ATP1A4: variants seen among roughly 807,000 people sequenced by gnomAD.
ATP1A4 encodes the protein ATPase Na+/K+ transporting subunit alpha 4.
ATP1A4 carries 90 observed loss-of-function variants against 114.3 expected under a neutral mutation model. That is an observed-to-expected ratio of 0.79 (90% CI 0.66 to 0.94). ATP1A4 has a LOEUF of 0.94. Among genes scored for constraint, ATP1A4 ranks in the 40% least tolerant of loss-of-function variants. ATP1A4 has a pLI of 0.00. For missense variants in ATP1A4, 1,222 were observed against 1,313.6 expected (o/e 0.93, Z 1.08); for synonymous variants, 511 against 494.1 (o/e 1.03, Z -0.45).
intron 13 of ATP1A4, 53 bp downstream of exon 13, chr1:160,173,770 G>A: frequency 6.3e-7 from 1 of 1,581,248 alleles, no homozygotes; most frequent in African/African-American, 1.3e-5. Flanking sequence ...TCCCCAGCCT[G>A]CCCCACCCAG....
Position 160,177,554 on chromosome 1 carries a change from T to A in ATP1A4, c.2626T>A (p.Phe876Ile). 1.2e-6 allele frequency: 2 copies of A among 1,614,166 alleles called. No homozygotes were observed. Among genetic ancestry groups the A allele is most frequent in the Non-Finnish European group, 1.7e-6 (2 of 1,180,006 alleles). ...GGCTCTGGCTGGATTCTTTACCTACTTTGTAATCCTGGCTGAGAATGGTTT... is the reference window on the plus strand; with the variant it reads ...GGCTCTGGCTGGATTCTTTACCTACATTGTAATCCTGGCTGAGAATGGTTT... ...IQALAGFFTYFVILAENGFRP... is the reference protein window; with the variant it reads ...IQALAGFFTYIVILAENGFRP... Residue 876 changes from phenylalanine (F) to isoleucine (I), a missense_variant, in exon 18 of 22, where the codon TTT becomes ATT. Phe to Ile is a conservative substitution (Grantham distance 21). Coordinates refer to ENST00000368081, the MANE Select transcript of ATP1A4 (RefSeq NM_144699.4).
Position 160,152,071 on chromosome 1 carries a change from G to C in ATP1A4, c.31G>C (p.Ala11Pro), listed in dbSNP as rs1652474303. 1.2e-6 allele frequency: 2 copies of C among 1,613,712 alleles called. No homozygotes were observed. Among genetic ancestry groups the C allele is most frequent in the African/African-American group, 1.3e-5 (1 of 74,866 alleles). ...GCTTTGGGGGAAGAAAGGGACAGTG[G>C]CTCCCCATGACCAGAGTCCAAGACG... Reference protein sequence around the residue: MGLWGKKGTVAPHDQSPRRRP... With the variant: MGLWGKKGTVPPHDQSPRRRP... Residue 11 changes from alanine (A) to proline (P), a missense_variant, in exon 1 of 22, where the codon GCT becomes CCT. Coordinates refer to ENST00000368081, the MANE Select transcript of ATP1A4 (RefSeq NM_144699.4).
In ATP1A4 at chr1:160,181,728, C is replaced by CT; in HGVS notation, c.2787dup (p.Val930CysfsTer79). ...TTGTGGAGTTCACATGCCAAACGGC[C>CT]TTTTTTGTCACCATCGTGGTTGTGC... is the stretch of plus-strand genomic sequence containing the variant. On this transcript the variant is annotated frameshift_variant, in exon 19 of 22. Transcript: ENST00000368081. LOFTEE classifies it high-confidence loss of function. 6.2e-7 allele frequency: 1 copy of CT among 1,614,072 alleles called. No homozygotes were observed.
intron 1 of ATP1A4, 125 bp from the exon 2 acceptor site, chr1:160,153,040 T>C (rs1473023863): frequency 2.7e-6 from 2 of 750,802 alleles, no homozygotes; most frequent in Admixed American, 2.2e-5. Flanking sequence ...AAAAAAGAAT[T>C]GCAGGGAGCT....
chr1:160,171,563 C>G (rs764784835), intron 11 of ATP1A4, 22 bp from the exon 12 acceptor site: 2 of 1,610,058 alleles, frequency 1.2e-6, no homozygotes, highest in Non-Finnish European at 1.7e-6. Context: ...GACTACTGGT[C>G]CCTCCCTCTG....
intron 17 of ATP1A4, among the ~76,000 whole-genome samples, chr1:160,177,230 G>C (rs1475209298): frequency 6.6e-6 from 1 of 152,138 alleles, no homozygotes; most frequent in African/African-American, 2.4e-5. Context: ...AGAAAAAATT[G>C]GGAGAGGGAA....
At chr1:160,153,675 AC>A (rs1652536323) in intron 2 of ATP1A4, among the ~76,000 whole-genome samples, 1 of 152,222 alleles carries the variant, frequency 6.6e-6, no homozygotes, top group African/African-American at 2.4e-5. Flanking sequence ...ATTTTTCAAA[AC>A]AAAAAAATTA....
chr1:160,159,637 G>A (rs1311352778), intron 6 of ATP1A4, 111 bp downstream of exon 6: 7 of 923,332 alleles, frequency 7.6e-6, no homozygotes, highest in African/African-American at 3.3e-5. Context: ...GTAAAAAGTC[G>A]AGCTTCTCCA....
Position 160,152,136 on chromosome 1 carries a change from G to A in ATP1A4, c.96G>A (p.Lys32=), listed in dbSNP as rs368224464. 5.0e-6 allele frequency: 8 copies of A among 1,613,954 alleles called. No homozygotes were observed. Among genetic ancestry groups the A allele is most frequent in the African/African-American group, 2.7e-5 (2 of 74,908 alleles). The change falls in exon 1 of 22, where the codon AAG becomes AAA. Residue 32 remains lysine (K), a synonymous_variant. Transcript: ENST00000368081. The part of the protein sequence containing the change: ...KKGLIKKKMV[K]REKQKRNMEE... ...GGCTTATCAAGAAAAAAATGGTGAA[G>A]AGGGAAAAACAGAAGCGCAATATGG... is the stretch of plus-strand genomic sequence containing the variant.
At chr1:160,177,735 A>G (rs1653532725) in intron 18 of ATP1A4, 71 bp downstream of exon 18, 6 of 1,560,148 alleles carry the variant, frequency 3.8e-6, no homozygotes, top group Non-Finnish European at 5.2e-6. Context: ...TGAGTGCAGC[A>G]AATTTTTTAA....
At chr1:160,171,045 G>A (rs1653235002) in intron 10 of ATP1A4, 1 of 493,970 alleles carries the variant, frequency 2.0e-6, no homozygotes, top group Admixed American at 3.4e-5. Flanking sequence ...GGAGATTCCT[G>A]TGCAAATAAT....
At chr1:160,158,371 A>C (rs1652744589) in intron 4 of ATP1A4, among the ~76,000 whole-genome samples, 1 of 152,060 alleles carries the variant, frequency 6.6e-6, no homozygotes, top group Non-Finnish European at 1.5e-5. Context: ...CCCCAGCATG[A>C]AAGCACTTTT....
chr1:160,159,405 C>G lies in ATP1A4; in HGVS notation c.661-4C>G. ...CTTACAACGCGTCCCCTCTCCCATC[C>G]CAGGTGGACAACTCATCCTTGACTG... On this transcript the variant is annotated splice_polypyrimidine_tract_variant and splice_region_variant and intron_variant, in intron 5 of 21. Coordinates refer to ENST00000368081, the MANE Select transcript of ATP1A4 (RefSeq NM_144699.4). 6.2e-7 allele frequency: 1 copy of G among 1,606,208 alleles called. No homozygotes were observed. The highest frequency in any genetic ancestry group is 1.1e-5 in the South Asian group (1 of 89,678).
rs1571008826 is a variant in ATP1A4 at position 160,155,029 on chromosome 1, T to A, written c.208-16T>A. 2 of 1,611,872 alleles carry A rather than the reference T, an allele frequency of 1.2e-6. No individual in the cohort carries two copies. The highest frequency in any genetic ancestry group is 1.7e-6 in the Non-Finnish European group (2 of 1,178,744). Reference sequence around the variant, plus strand: ...TTTCACAGCTCTCTATCCAACCCTATTTCTTCTCTGCACAGGGCCATAGCC... The same window carrying A: ...TTTCACAGCTCTCTATCCAACCCTAATTCTTCTCTGCACAGGGCCATAGCC... On this transcript the variant is annotated splice_polypyrimidine_tract_variant and intron_variant, in intron 2 of 21. Transcript: ENST00000368081.
chr1:160,174,040 A>G, intron 13 of ATP1A4, 71 bp from the exon 14 acceptor site: 1 of 1,553,468 alleles, frequency 6.4e-7, no homozygotes. Flanking sequence ...AGCTATAGTC[A>G]AGATGGGCAC....
At chr1:160,157,186 T>C (rs575235555) in intron 4 of ATP1A4, among the ~76,000 whole-genome samples, 33 of 151,940 alleles carry the variant, frequency 2.2e-4, no homozygotes, top group African/African-American at 7.7e-4. Flanking sequence ...TACTTTTTTA[T>C]TTTGAGCTTT....
chr1:160,179,232 C>T (rs1413066974), intron 18 of ATP1A4, among the ~76,000 whole-genome samples: 4 of 152,180 alleles, frequency 2.6e-5, no homozygotes, highest in African/African-American at 7.2e-5. Flanking sequence ...TGTCAATATT[C>T]CCAGCTATTA....
intron 13 of ATP1A4, 78 bp downstream of exon 13, chr1:160,173,795 A>G: frequency 6.5e-7 from 1 of 1,533,728 alleles, no homozygotes; most frequent in East Asian, 2.4e-5. Flanking sequence ...CACTTTACTA[A>G]AGTTCTTGGA....
Position 160,159,031 on chromosome 1 carries a change from G to T in ATP1A4, c.555G>T (p.Lys185Asn), listed in dbSNP as rs775396286. Reference sequence around the variant, plus strand: ...CTCTGGTAATTCGAGGAGGAGAGAAGATGCAAATTAATGTACAAGAGGTGG... The same window carrying T: ...CTCTGGTAATTCGAGGAGGAGAGAATATGCAAATTAATGTACAAGAGGTGG... Reference protein sequence around the residue: ...QQALVIRGGEKMQINVQEVVL... With the variant: ...QQALVIRGGENMQINVQEVVL... The change falls in exon 5 of 22, where the codon AAG (lysine) becomes AAT (asparagine). Residue 185 changes from lysine to asparagine, a missense_variant. Lys to Asn is a moderately conservative substitution (Grantham distance 94, BLOSUM62 0). Coordinates refer to ENST00000368081, the MANE Select transcript of ATP1A4 (RefSeq NM_144699.4). 5.0e-6 allele frequency: 8 copies of T among 1,614,046 alleles called. No homozygotes were observed. In the Admixed American group the frequency reaches 1.0e-4, roughly 20 times the overall value.
Sources: gnomAD v4.1 joint callset for allele counts (sites outside exome capture counted in the v4.1 genomes callset) on GRCh38, gnomAD v4.1.1 for gene constraint, MANE v1.5 for transcripts, NCBI Gene and HGNC (gene_info 2026-07-23, HGNC 2026-07-21) for gene names.